Variants in ORC4 observed in about 807,000 individuals in gnomAD.
The protein encoded by ORC4 is origin recognition complex, subunit 4 homolog.
ORC4 carries 55 observed loss-of-function variants against 63.9 expected under a neutral mutation model. The observed-to-expected ratio is 0.86, with a 90% CI of 0.69 to 1.08. The LOEUF (loss-of-function observed/expected upper bound fraction) is 1.08. Ranked by LOEUF, ORC4 falls within the 50% of genes least tolerant of loss-of-function variation. The pLI is 0.00. For synonymous variants in ORC4, 150 were observed against 168.5 expected (o/e 0.89, Z 0.85); for missense variants, 511 against 504.4 (o/e 1.01, Z -0.13).
intron 4 of ORC4, among the ~76,000 whole-genome samples, chr2:147,964,884 C>T (rs542674464): frequency 6.6e-6 from 1 of 151,970 alleles, no homozygotes; most frequent in East Asian, 1.9e-4. Flanking sequence ...TTAAGAGAAA[C>T]CTGACAGGAC....
Position 147,938,176 on chromosome 2 carries a change from A to C in ORC4, c.1092T>G (p.Val364=). 6.2e-7 allele frequency: 1 copy of C among 1,612,748 alleles called. No homozygotes were observed. Among genetic ancestry groups the C allele is most frequent in the East Asian group, 2.2e-5 (1 of 44,688 alleles). ...TGACAACAGGTTTTTCAAAATTATA[A>C]ACGGAATGTGCTTTCCTTTGAACAA... ...QKFVQRKAHS[V]YNFEKPVVMK... The change falls in exon 13 of 14, where the codon GTT becomes GTG. Residue 364 remains valine (V), a synonymous_variant. Transcript: ENST00000392857.
intron 9 of ORC4, among the ~76,000 whole-genome samples, chr2:147,943,915 A>G (rs1688510686): frequency 6.6e-6 from 1 of 152,172 alleles, no homozygotes; most frequent in Admixed American, 6.6e-5. Flanking sequence ...TGGATGAGAC[A>G]AGAGATTTAA....
intron 4 of ORC4, among the ~76,000 whole-genome samples, chr2:147,972,330 A>T (rs1690264013): frequency 6.6e-6 from 1 of 152,152 alleles, no homozygotes; most frequent in South Asian, 2.1e-4. Context: ...CCTATAACAA[A>T]GGGAAAAACC....
chr2:147,996,822 C>T (rs1399215849), intron 1 of ORC4, among the ~76,000 whole-genome samples: 1 of 152,152 alleles, frequency 6.6e-6, no homozygotes, highest in African/African-American at 2.4e-5. Context: ...CAAAATGGCA[C>T]AGACACTTTG....
rs1241665559 is a variant in ORC4, at chr2:147,933,571, AAT to A, written c.*1937_*1938del. 1 of 152,122 alleles carries A rather than the reference AAT, an allele frequency of 6.6e-6. No individual in the cohort carries two copies. The highest frequency in any genetic ancestry group is 1.5e-5 in the Non-Finnish European group (1 of 68,006). The allele number at this position is 152,122 out of a possible 1,614,324, so 9.4% of individuals were successfully genotyped here. A position where few individuals can be genotyped will look rare whatever the true frequency, so the allele number is the denominator to read the frequency against. On this transcript the variant is annotated 3_prime_UTR_variant, in exon 14 of 14. Coordinates refer to ENST00000392857, the MANE Select transcript of ORC4 (RefSeq NM_181741.4). The stretch of plus-strand genomic sequence containing the variant: ...GATCTTCTGCAGCTCTTATGTAGCC[AAT>A]GAGACAGATGAGGGCTGTCAGCTTT...
At position 147,935,548 on chromosome 2, in the gene ORC4, C is replaced by T. The variant is rs1688001983; in HGVS notation, c.1273G>A (p.Val425Met). ...AGTGAGGATGTTGCCCACTGCCTCA[C>T]ATCTGTAGGACAGTTGGGATATTTC... ...LQKYPNCPTD[V>M]RQWATSSLSW... is the part of the protein sequence containing the mutation. Residue 425 changes from valine (V) to methionine (M), a missense_variant, in exon 14 of 14, where the codon GTG becomes ATG. By Grantham distance (21) the Val-to-Met change is conservative. Coordinates refer to ENST00000392857, the MANE Select transcript of ORC4 (RefSeq NM_181741.4). 1.2e-6 allele frequency: 2 copies of T among 1,613,760 alleles called. No homozygotes were observed. Among genetic ancestry groups the T allele is most frequent in the East Asian group, 2.2e-5 (1 of 44,852 alleles).
chr2:147,960,023 G>A (rs1689499055), intron 4 of ORC4, among the ~76,000 whole-genome samples: 1 of 151,834 alleles, frequency 6.6e-6, no homozygotes, highest in African/African-American at 2.4e-5. Context: ...GCAATCCATG[G>A]TATTTTCTTT....
intron 1 of ORC4, among the ~76,000 whole-genome samples, chr2:147,976,594 C>T (rs1690572740): frequency 6.6e-6 from 1 of 152,022 alleles, no homozygotes; most frequent in Non-Finnish European, 1.5e-5. Context: ...TTACATGCTT[C>T]CTTTATGATT....
Position 147,953,821 on chromosome 2 carries a change from A to C in ORC4, c.437-1297T>G, listed in dbSNP as rs567619949. Among the ~76,000 whole-genome samples the C allele has an allele frequency of 2.8e-4, 43 of 152,270 alleles. No homozygotes were observed. In the East Asian group the frequency reaches 2.9e-3, roughly 10 times the overall value. On this transcript the variant is annotated intron_variant, in intron 7 of 13. Transcript: ENST00000392857. The stretch of plus-strand genomic sequence containing the variant: ...TAAAAAGTGAAACAAATATCTGATA[A>C]AAGAAAGACTTATTTCAACAAATAA...
At chr2:147,991,653 A>C (rs912146819) in intron 1 of ORC4, among the ~76,000 whole-genome samples, 1 of 151,438 alleles carries the variant, frequency 6.6e-6, no homozygotes, top group Non-Finnish European at 1.5e-5. Context: ...ACATGGTGAA[A>C]CCCCGTCTCT....
chr2:147,966,560 G>C (rs1689904335), intron 4 of ORC4, among the ~76,000 whole-genome samples: 1 of 151,950 alleles, frequency 6.6e-6, no homozygotes, highest in African/African-American at 2.4e-5. Context: ...GGATCATTAG[G>C]GACTACTATG....
intron 6 of ORC4, 120 bp from the exon 7 acceptor site, chr2:147,955,515 C>A: frequency 2.8e-6 from 2 of 710,462 alleles, no homozygotes; most frequent in East Asian, 2.8e-5. Context: ...AGAGTCATTG[C>A]CCAGACTCTG....
At chr2:147,966,743 G>C (rs565395171) in intron 4 of ORC4, among the ~76,000 whole-genome samples, 3 of 152,190 alleles carry the variant, frequency 2.0e-5, no homozygotes, top group Admixed American at 2.0e-4. Context: ...ATCCAGTACT[G>C]GATGGCTTTG....
At chr2:148,000,731 T>C (rs990434718) in intron 1 of ORC4, among the ~76,000 whole-genome samples, 13 of 152,040 alleles carry the variant, frequency 8.6e-5, no homozygotes, top group African/African-American at 2.7e-4. Context: ...CTGATAAAAA[T>C]ACTTGATACC....
intron 1 of ORC4, among the ~76,000 whole-genome samples, chr2:148,004,414 T>C (rs1383742677): frequency 6.6e-6 from 1 of 152,034 alleles, no homozygotes; most frequent in Non-Finnish European, 1.5e-5. Context: ...CCAAAACAGA[T>C]ATACAGACCA....
At chr2:148,014,095 AT>A (rs1367926726) in intron 1 of ORC4, among the ~76,000 whole-genome samples, 5 of 152,178 alleles carry the variant, frequency 3.3e-5, no homozygotes. Context: ...CTGTAATCCT[AT>A]CCTTTGACAG....
At chr2:147,995,790 A>G (rs1691927958) in intron 1 of ORC4, among the ~76,000 whole-genome samples, 1 of 151,998 alleles carries the variant, frequency 6.6e-6, no homozygotes, top group African/African-American at 2.4e-5. Flanking sequence ...CTCCAGACAC[A>G]CCATCTTTAA....
Position 147,935,222 on chromosome 2 carries a change from G to C in ORC4, c.*288C>G, listed in dbSNP as rs778859440. ...TAGGTTGAAGTGAGCTCTTCAAATA[G>C]ACCATTATATATATAAGTGTTAAAA... On this transcript the variant is annotated 3_prime_UTR_variant, in exon 14 of 14. Transcript: ENST00000392857. 1 of 375,104 alleles carries C rather than the reference G, an allele frequency of 2.7e-6. No individual in the cohort carries two copies. The highest frequency in any genetic ancestry group is 4.9e-6 in the Non-Finnish European group (1 of 202,578). The allele number at this position is 375,104 out of a possible 1,614,324, so 23.2% of individuals were successfully genotyped here. A position where few individuals can be genotyped will look rare whatever the true frequency, so the allele number is the denominator to read the frequency against.
At chr2:147,979,367 TAGAA>T (rs1173131788) in intron 1 of ORC4, among the ~76,000 whole-genome samples, 3 of 151,808 alleles carry the variant, frequency 2.0e-5, no homozygotes, top group Non-Finnish European at 4.4e-5. Context: ...AAAAACAAAT[TAGAA>T]AGAAATGTAA....
Sources: allele counts gnomAD v4.1 joint callset (sites outside exome capture counted in the v4.1 genomes callset), GRCh38; gene constraint gnomAD v4.1.1; transcripts MANE v1.5; gene names NCBI Gene and HGNC (gene_info 2026-07-23, HGNC 2026-07-21).